The following TSPAN9 variants were observed in gnomAD, a reference collection of about 807,000 sequenced individuals.
The protein encoded by TSPAN9 is tetraspanin 9, also known as tetraspanin-9.
A neutral mutation model predicts 31.0 loss-of-function variants in TSPAN9; 16 were observed. The observed-to-expected ratio is 0.52, with a 90% confidence interval of 0.35 to 0.78. TSPAN9 has a LOEUF of 0.78. Among genes scored for constraint, TSPAN9 ranks in the 30% least tolerant of loss-of-function variants. TSPAN9 has a pLI of 0.01. For synonymous variants in TSPAN9, 145 were observed against 121.6 expected (o/e 1.19, Z -1.27); for missense variants, 272 against 312.5 (o/e 0.87, Z 0.98).
At chr12:3,208,747 C>G (rs1287749091) in intron 3 of TSPAN9, among the ~76,000 whole-genome samples, 1 of 152,228 alleles carries the variant, frequency 6.6e-6, no homozygotes, top group Non-Finnish European at 1.5e-5. Context: ...ACTTAGAAGC[C>G]TAGCTTATGA....
intron 2 of TSPAN9, among the ~76,000 whole-genome samples, chr12:3,097,293 G>A (rs2098309607): frequency 6.6e-6 from 1 of 152,220 alleles, no homozygotes; most frequent in African/African-American, 2.4e-5. Context: ...AGCTTTGGAG[G>A]AAAACATGCG....
At position 3,170,257 on chromosome 12, in the gene TSPAN9, C is replaced by T. The variant is rs187304831; in HGVS notation, c.-17-30920C>T. Among the ~76,000 whole-genome samples the T allele has an allele frequency of 6.2e-4, 95 of 152,234 alleles. No homozygotes were observed. Among genetic ancestry groups the T allele is most frequent in the Admixed American group, 4.5e-3 (69 of 15,302 alleles). ...TGGTGTTTACAGGGAATATTCTGCA[C>T]TGATCCCTGCCAGGGCTCAGTATTT... is the stretch of plus-strand genomic sequence containing the variant. On this transcript the variant is annotated intron_variant, in intron 2 of 8. Coordinates refer to ENST00000011898, the MANE Select transcript of TSPAN9 (RefSeq NM_006675.5). This position sits in a 1 kb window ranked among gnomAD's most constrained non-coding sequence, Gnocchi z 4.4.
intron 2 of TSPAN9, among the ~76,000 whole-genome samples, chr12:3,184,006 G>C (rs569546394): frequency 6.6e-6 from 1 of 152,266 alleles, no homozygotes; most frequent in African/African-American, 2.4e-5. Context: ...ATGTCCAGAA[G>C]GGTCTGGATT....
chr12:3,202,115 G>A (rs979008743), intron 3 of TSPAN9, among the ~76,000 whole-genome samples: 29 of 152,246 alleles, frequency 1.9e-4, no homozygotes, highest in Non-Finnish European at 4.0e-4. Flanking sequence ...GAGGCTGTGC[G>A]CACATATGTG....
chr12:3,080,168 A>G (rs1362550972), intron 1 of TSPAN9, among the ~76,000 whole-genome samples: 1 of 150,854 alleles, frequency 6.6e-6, no homozygotes, highest in Non-Finnish European at 1.5e-5. Flanking sequence ...CCTCTTTCCA[A>G]CTCTCTGTTT....
chr12:3,112,234 A>G lies in TSPAN9; in HGVS notation c.-18+28515A>G, dbSNP rs1205939507. ...CTCTTGTTGCCCAGGATGGAGTACAATGGCACGATCTCGGCTCACTGCAAC... is the reference window on the plus strand; with the variant it reads ...CTCTTGTTGCCCAGGATGGAGTACAGTGGCACGATCTCGGCTCACTGCAAC... On this transcript the variant is annotated intron_variant, in intron 2 of 8. Coordinates refer to ENST00000011898, the MANE Select transcript of TSPAN9 (RefSeq NM_006675.5). 2.0e-5 allele frequency among the ~76,000 whole-genome samples: 3 copies of G among 148,752 alleles called. No individual in the cohort carries two copies. In the Admixed American group the frequency reaches 2.0e-4, roughly 10 times the overall value.
chr12:3,196,717 C>T (rs377500920), intron 2 of TSPAN9, among the ~76,000 whole-genome samples: 1 of 152,188 alleles, frequency 6.6e-6, no homozygotes. Flanking sequence ...CAAGTGTGAC[C>T]AGAGGAGGCA....
intron 2 of TSPAN9, among the ~76,000 whole-genome samples, chr12:3,153,130 G>C (rs1223995438): frequency 6.6e-6 from 1 of 152,184 alleles, no homozygotes; most frequent in Non-Finnish European, 1.5e-5. Context: ...ACTGATTTGT[G>C]ACACCTTTTC....
At chr12:3,159,776 G>T (rs951254409) in intron 2 of TSPAN9, among the ~76,000 whole-genome samples, 1 of 152,188 alleles carries the variant, frequency 6.6e-6, no homozygotes, top group African/African-American at 2.4e-5. Flanking sequence ...ACGTGAAGAC[G>T]TAGGGAGAAG....
At chr12:3,084,491 C>T (rs1030800197) in intron 2 of TSPAN9, among the ~76,000 whole-genome samples, 7 of 152,128 alleles carry the variant, frequency 4.6e-5, no homozygotes, top group Admixed American at 4.6e-4. Flanking sequence ...GCTGGTGGCT[C>T]ATCTTGCCAA....
At chr12:3,094,915 CAG>C (rs2098307191) in intron 2 of TSPAN9, among the ~76,000 whole-genome samples, 1 of 116,706 alleles carries the variant, frequency 8.6e-6, no homozygotes, top group Admixed American at 9.4e-5. Context: ...GTGTTTCTCA[CAG>C]AGGGGGATTT....
At chr12:3,190,406 A>G (rs758623) in intron 2 of TSPAN9, among the ~76,000 whole-genome samples, 151,419 of 152,380 alleles carry the variant, frequency 0.99, 75,245 homozygotes, top group Middle Eastern at 1. Flanking sequence ...CTTGATAAGT[A>G]CTAATAACAA....
chr12:3,146,073 C>T (rs7968330), intron 2 of TSPAN9, among the ~76,000 whole-genome samples: 25,825 of 152,250 alleles, frequency 0.17, 2,433 homozygotes, highest in Non-Finnish European at 0.22. Flanking sequence ...CTGTGAGCTC[C>T]CCCGGCAAGC....
chr12:3,224,270 C>T (rs1204542916), intron 3 of TSPAN9, among the ~76,000 whole-genome samples: 1 of 152,162 alleles, frequency 6.6e-6, no homozygotes, highest in Non-Finnish European at 1.5e-5. Context: ...TGTGCACTTA[C>T]AGATGGGACC....
intron 3 of TSPAN9, among the ~76,000 whole-genome samples, chr12:3,239,341 C>G (rs1261109358): frequency 6.6e-6 from 1 of 152,198 alleles, no homozygotes; most frequent in Non-Finnish European, 1.5e-5. Flanking sequence ...AATGCTGCCT[C>G]CCTGACTCAA....
intron 1 of TSPAN9, among the ~76,000 whole-genome samples, chr12:3,083,387 C>T (rs757536398): frequency 4.6e-5 from 7 of 152,184 alleles, no homozygotes; most frequent in Admixed American, 1.3e-4. Context: ...TGTAACTGCC[C>T]GTGGCAGACA....
At chr12:3,188,987 G>T (rs757962043) in intron 2 of TSPAN9, among the ~76,000 whole-genome samples, 5 of 152,190 alleles carry the variant, frequency 3.3e-5, no homozygotes, top group Non-Finnish European at 5.9e-5. Flanking sequence ...ATGGGGCTGC[G>T]CTGGTTGCCG....
At chr12:3,108,167 G>A (rs1264810314) in intron 2 of TSPAN9, among the ~76,000 whole-genome samples, 2 of 152,196 alleles carry the variant, frequency 1.3e-5, no homozygotes, top group African/African-American at 2.4e-5. Context: ...AGTCTGTGGC[G>A]TAGACAGTGA....
intron 2 of TSPAN9, among the ~76,000 whole-genome samples, chr12:3,105,752 A>G (rs899364750): frequency 1.8e-4 from 12 of 67,346 alleles, no homozygotes; most frequent in African/African-American, 3.8e-4. Flanking sequence ...ACACACTCAC[A>G]CACACGCACA....
Sources: allele counts gnomAD v4.1 joint callset (sites outside exome capture counted in the v4.1 genomes callset), GRCh38; gene constraint gnomAD v4.1.1; non-coding constraint Gnocchi (gnomAD v3.1); transcripts MANE v1.5; gene names NCBI Gene and HGNC (gene_info 2026-07-23, HGNC 2026-07-21).